Variants in LRCH1 observed in about 807,000 individuals in gnomAD.
LRCH1 encodes leucine rich repeats and calponin homology domain containing 1.
A neutral mutation model predicts 94.9 loss-of-function variants in LRCH1; 23 were observed. The ratio of observed to expected loss-of-function variants is 0.24; its 90% CI spans 0.17 to 0.34. The LOEUF (loss-of-function observed/expected upper bound fraction) is 0.34. LRCH1 is among the 10% of genes least tolerant of loss of function. LRCH1 has a pLI of 1.00. For missense variants in LRCH1, 790 were observed against 945.9 expected (o/e 0.84, Z 2.16); for synonymous variants, 364 against 354.9 (o/e 1.03, Z -0.29).
chr13:46,606,148 ATGTGTGTGTGTG>A (rs3991577), intron 1 of LRCH1, among the ~76,000 whole-genome samples: 2 of 148,730 alleles, frequency 1.3e-5, no homozygotes, highest in South Asian at 4.3e-4. Context: ...TTTTAACCTT[ATGTGTGTGTGTG>A]TGTGTGTGTG....
At chr13:46,676,264 T>TG (rs1383878477) in intron 3 of LRCH1, among the ~76,000 whole-genome samples, 2 of 148,450 alleles carry the variant, frequency 1.3e-5, no homozygotes, top group African/African-American at 5.0e-5. Context: ...CTCGGTGGGG[T>TG]GGGGGGAAAG....
chr13:46,641,196 A>G (rs1222350223), intron 1 of LRCH1, among the ~76,000 whole-genome samples: 2 of 152,122 alleles, frequency 1.3e-5, no homozygotes, highest in East Asian at 1.9e-4. Context: ...TGAGAGAGGA[A>G]GTTCAGGATG....
At chr13:46,569,983 T>C (rs1043253016) in intron 1 of LRCH1, among the ~76,000 whole-genome samples, 1 of 152,228 alleles carries the variant, frequency 6.6e-6, no homozygotes, top group Non-Finnish European at 1.5e-5. Flanking sequence ...AAACAGAGTT[T>C]ATAATGATTG....
At chr13:46,674,386 C>T (rs893250473) in intron 3 of LRCH1, among the ~76,000 whole-genome samples, 1 of 152,200 alleles carries the variant, frequency 6.6e-6, no homozygotes, top group African/African-American at 2.4e-5. Flanking sequence ...CACAAAGAGA[C>T]ACTACTGAGA....
At chr13:46,720,339 A>G (rs2138214092) in intron 16 of LRCH1, among the ~76,000 whole-genome samples, 1 of 152,256 alleles carries the variant, frequency 6.6e-6, no homozygotes, top group South Asian at 2.1e-4. Flanking sequence ...GCGAGCCGAG[A>G]TCGCACCATT....
chr13:46,685,799 G>A (rs1870577632), intron 4 of LRCH1, 106 bp from the exon 5 acceptor site: 3 of 794,722 alleles, frequency 3.8e-6, no homozygotes, highest in African/African-American at 3.5e-5. Context: ...ATACTCAATT[G>A]TATTTTTCCT....
intron 2 of LRCH1, among the ~76,000 whole-genome samples, chr13:46,660,711 C>T (rs1022079170): frequency 2.6e-5 from 4 of 152,174 alleles, no homozygotes; most frequent in Admixed American, 6.5e-5. Context: ...TATTCTTTCT[C>T]TTCCTGCAAC....
At chr13:46,633,811 T>C (rs536646030) in intron 1 of LRCH1, among the ~76,000 whole-genome samples, 5 of 152,012 alleles carry the variant, frequency 3.3e-5, no homozygotes, top group Admixed American at 3.3e-4. Flanking sequence ...AGTCAAGGCA[T>C]GAATATCTAA....
chr13:46,556,319 G>A (rs551613552), intron 1 of LRCH1, among the ~76,000 whole-genome samples: 1 of 152,318 alleles, frequency 6.6e-6, no homozygotes, highest in Non-Finnish European at 1.5e-5. Context: ...TGTAAACAAA[G>A]AAACATAGAA....
chr13:46,631,025 C>G (rs2051011404), intron 1 of LRCH1, among the ~76,000 whole-genome samples: 1 of 152,166 alleles, frequency 6.6e-6, no homozygotes, highest in East Asian at 1.9e-4. Flanking sequence ...CCTCCCCACC[C>G]CTTCCTGTCT....
At chr13:46,607,198 T>A (rs574760949) in intron 1 of LRCH1, among the ~76,000 whole-genome samples, 1 of 152,320 alleles carries the variant, frequency 6.6e-6, no homozygotes, top group African/African-American at 2.4e-5. Flanking sequence ...TACTTGGCTG[T>A]TAACTTGCCC....
chr13:46,730,166 GA>G (rs935677527), intron 18 of LRCH1, among the ~76,000 whole-genome samples: 10 of 152,288 alleles, frequency 6.6e-5, no homozygotes, highest in African/African-American at 2.4e-4. Flanking sequence ...AGAGGCAGAA[GA>G]ATTTAGGGGT....
chr13:46,573,453 A>G (rs1055412823), intron 1 of LRCH1, among the ~76,000 whole-genome samples: 1 of 152,204 alleles, frequency 6.6e-6, no homozygotes, highest in African/African-American at 2.4e-5. Flanking sequence ...CACTGTTGAC[A>G]ATAGCCAAGA....
intron 1 of LRCH1, among the ~76,000 whole-genome samples, chr13:46,645,266 T>C (rs2051206178): frequency 6.6e-6 from 1 of 152,234 alleles, no homozygotes; most frequent in African/African-American, 2.4e-5. Flanking sequence ...TTGTAAGTCA[T>C]TTTGTAATTT....
chr13:46,583,606 A>G (rs1269061672), intron 1 of LRCH1, among the ~76,000 whole-genome samples: 4 of 152,220 alleles, frequency 2.6e-5, no homozygotes, highest in African/African-American at 4.8e-5. Flanking sequence ...TAGATTCTAG[A>G]CAGTTGAAAG....
At chr13:46,639,780 T>C (rs751516849) in intron 1 of LRCH1, among the ~76,000 whole-genome samples, 2 of 152,194 alleles carry the variant, frequency 1.3e-5, no homozygotes, top group Non-Finnish European at 2.9e-5. Flanking sequence ...AGGAAGCCCT[T>C]TGGGCTCTTC....
At chr13:46,626,894 T>C (rs932524031) in intron 1 of LRCH1, among the ~76,000 whole-genome samples, 1 of 152,238 alleles carries the variant, frequency 6.6e-6, no homozygotes, top group African/African-American at 2.4e-5. Context: ...GTTCGTAATA[T>C]CCTGACTTCC....
chr13:46,752,437 G>A (rs531444977), exon 19 of LRCH1: 2 of 152,382 alleles, frequency 1.3e-5, no homozygotes, highest in African/African-American at 4.8e-5. Context: ...GGAAGATGGG[G>A]GGAGGTTTCT....
intron 13 of LRCH1, 30 bp downstream of exon 13, chr13:46,705,334 CTG>C (rs1871701632): frequency 6.2e-7 from 1 of 1,605,602 alleles, no homozygotes; most frequent in African/African-American, 1.3e-5. Context: ...CACCAGAACT[CTG>C]TGCAATATTT....
Sources: allele counts gnomAD v4.1 joint callset (sites outside exome capture counted in the v4.1 genomes callset), GRCh38; gene constraint gnomAD v4.1.1; transcripts MANE v1.5; gene names NCBI Gene and HGNC (gene_info 2026-07-23, HGNC 2026-07-21).